Variants in IGF2R observed in about 807,000 individuals in gnomAD.
IGF2R encodes cation-independent mannose-6-phosphate receptor.
Under a neutral mutation model 270.6 loss-of-function variants are expected in IGF2R, and 91 were observed. The ratio of observed to expected loss-of-function variants is 0.34; its 90% CI spans 0.28 to 0.40. The LOEUF is 0.40. IGF2R is among the 10% of genes least tolerant of loss of function. IGF2R has a pLI of 1.00. For missense variants in IGF2R, 2,805 were observed against 3,188.3 expected, an observed-to-expected ratio of 0.88 and a Z score of 2.90; for synonymous variants, 1,316 against 1,258.9, an observed-to-expected ratio of 1.05 and a Z score of -0.96.
intron 12 of IGF2R, among the ~76,000 whole-genome samples, chr6:160,043,586 T>C (rs1299628751): frequency 1.3e-5 from 2 of 152,224 alleles, no homozygotes; most frequent in Non-Finnish European, 2.9e-5. Context: ...ACATTGCCAG[T>C]GTTTGTGTAC....
rs185334378 is a variant in IGF2R at position 159,986,404 on chromosome 6, G to T, written c.150-4780G>T. On this transcript the variant is annotated intron_variant, in intron 1 of 47. Transcript: ENST00000356956. Reference sequence around the variant, plus strand: ...GCGCGACCATGCCTGGCTAATTTTTGTGTGTGTGTGTGTGTGTGTGTGTGT... The same window carrying T: ...GCGCGACCATGCCTGGCTAATTTTTTTGTGTGTGTGTGTGTGTGTGTGTGT... 6.0e-3 allele frequency among the ~76,000 whole-genome samples: 629 copies of T among 104,256 alleles called. 15 individuals carry two copies. In the East Asian group the frequency reaches 0.13, roughly 22 times the overall value. The allele number at this position is 104,256 out of a possible 152,430, so 68.4% of individuals were successfully genotyped here. A position where few individuals can be genotyped will look rare whatever the true frequency, so the allele number is the denominator to read the frequency against.
intron 27 of IGF2R, 33 bp from the exon 28 acceptor site, chr6:160,064,368 C>A: frequency 6.2e-7 from 1 of 1,614,102 alleles, no homozygotes; most frequent in Non-Finnish European, 8.5e-7. Flanking sequence ...GGGACCCGAA[C>A]CAAACCTTGT....
Position 160,011,509 on chromosome 6 carries a change from G to T in IGF2R, c.513+724G>T, listed in dbSNP as rs145868299. On this transcript the variant is annotated intron_variant, in intron 4 of 47. Transcript: ENST00000356956. ...TGAAATATGTATACATTGAGGAATGGCTACATTGAGCTAATTACATATGTG... is the reference window on the plus strand; with the variant it reads ...TGAAATATGTATACATTGAGGAATGTCTACATTGAGCTAATTACATATGTG... Among the ~76,000 whole-genome samples the T allele has an allele frequency of 5.3e-3, 797 of 149,664 alleles. 8 individuals carry two copies. The highest frequency in any genetic ancestry group is 0.017 in the African/African-American group (700 of 40,634).
chr6:160,034,544 G>C (rs1202318079), intron 10 of IGF2R, 22 bp downstream of exon 10: 8 of 1,472,830 alleles, frequency 5.4e-6, no homozygotes, highest in Non-Finnish European at 5.7e-6. Context: ...CTGGAGTTCA[G>C]CCCCTCCTCT....
intron 10 of IGF2R, among the ~76,000 whole-genome samples, chr6:160,038,977 T>C (rs1161487707): frequency 6.6e-6 from 1 of 152,226 alleles, no homozygotes. Context: ...CATAAGCAAA[T>C]TATTTAGCCA....
intron 18 of IGF2R, among the ~76,000 whole-genome samples, chr6:160,049,755 G>A (rs536615134): frequency 2.6e-4 from 39 of 152,346 alleles, no homozygotes; most frequent in African/African-American, 9.4e-4. Flanking sequence ...AAAATAAAGA[G>A]AGTAGAATCT....
intron 4 of IGF2R, among the ~76,000 whole-genome samples, chr6:160,019,403 T>C (rs1374573871): frequency 6.6e-6 from 1 of 152,138 alleles, no homozygotes; most frequent in Non-Finnish European, 1.5e-5. Context: ...AGGGAAGAAC[T>C]AGCACAAATC....
intron 44 of IGF2R, chr6:160,093,850 A>T: frequency 1.4e-6 from 1 of 729,296 alleles, no homozygotes; most frequent in Non-Finnish European, 2.6e-6. Flanking sequence ...TAAATATCTC[A>T]GATAAGCAGC....
intron 5 of IGF2R, among the ~76,000 whole-genome samples, chr6:160,025,107 G>A (rs1486277382): frequency 1.3e-5 from 2 of 152,176 alleles, no homozygotes; most frequent in Admixed American, 1.3e-4. Context: ...ATGCATATTT[G>A]GCCCAAGCTG....
chr6:160,018,472 C>A (rs900033362), intron 4 of IGF2R, among the ~76,000 whole-genome samples: 2 of 152,036 alleles, frequency 1.3e-5, no homozygotes, highest in African/African-American at 4.8e-5. Context: ...ACCACGTAGA[C>A]CTAACAGATA....
At chr6:160,088,208 C>G (rs1426953484) in intron 42 of IGF2R, 61 bp downstream of exon 42, 1 of 1,120,558 alleles carries the variant, frequency 8.9e-7, no homozygotes, top group African/African-American at 1.5e-5. Flanking sequence ...GGAATTCCTC[C>G]TTGGGGTTTT....
rs1407368814 is a variant in IGF2R at position 160,079,634 on chromosome 6, C to A, written c.5533C>A (p.Pro1845Thr). 6.4e-7 allele frequency: 1 copy of A among 1,560,998 alleles called. No homozygotes were observed. Among genetic ancestry groups the A allele is most frequent in the Non-Finnish European group, 8.7e-7 (1 of 1,154,232 alleles). The change falls in exon 38 of 48, where the codon CCA (proline) becomes ACA (threonine). Residue 1845 changes from proline (P) to threonine (T), a missense_variant. Pro to Thr is a conservative substitution (Grantham distance 38). Coordinates refer to ENST00000356956, the MANE Select transcript of IGF2R (RefSeq NM_000876.4). ...SVGVCTFAVG[P>T]EQGGCKDGGV... ...TGGGGTGTGCACCTTTGCAGTCGGG[C>A]CAGAACAAGGAGGCTGTAAGGACGG...
intron 30 of IGF2R, among the ~76,000 whole-genome samples, chr6:160,068,859 G>A (rs1278746667): frequency 2.0e-5 from 3 of 152,146 alleles, no homozygotes; most frequent in Admixed American, 6.5e-5. Context: ...GACGTGGTTC[G>A]GCCGAGAAAC....
intron 22 of IGF2R, among the ~76,000 whole-genome samples, chr6:160,060,243 A>G (rs555208769): frequency 1.3e-5 from 2 of 151,398 alleles, no homozygotes; most frequent in East Asian, 2.0e-4. Context: ...ATAGGCCACC[A>G]TTGGAGCGAG....
At chr6:159,977,542 C>T (rs928169455) in intron 1 of IGF2R, among the ~76,000 whole-genome samples, 1 of 152,214 alleles carries the variant, frequency 6.6e-6, no homozygotes, top group Non-Finnish European at 1.5e-5. Context: ...CTGCTGGCAG[C>T]GTGTGGCCTG....
At position 160,034,538 on chromosome 6, in the gene IGF2R, A is replaced by C; in HGVS notation, c.1315+16A>C. ...AAAACCGCAGGTAAGTGTGCGCTGG[A>C]GTTCAGCCCCTCCTCTTTGCATTCA... On this transcript the variant is annotated intron_variant, in intron 10 of 47. Coordinates refer to ENST00000356956, the MANE Select transcript of IGF2R (RefSeq NM_000876.4). 1 of 1,519,132 alleles carries C rather than the reference A, an allele frequency of 6.6e-7. No homozygotes were observed. The highest frequency in any genetic ancestry group is 9.1e-7 in the Non-Finnish European group (1 of 1,093,842). The allele number at this position is 1,519,132 out of a possible 1,614,324, so 94.1% of individuals were successfully genotyped here.
intron 45 of IGF2R, among the ~76,000 whole-genome samples, chr6:160,099,369 AT>A (rs1779432130): frequency 6.6e-6 from 1 of 151,496 alleles, no homozygotes; most frequent in Non-Finnish European, 1.5e-5. Flanking sequence ...ATGTTATGTT[AT>A]GTTATGTTAT....
intron 5 of IGF2R, among the ~76,000 whole-genome samples, chr6:160,026,659 G>A (rs953935979): frequency 2.6e-5 from 4 of 152,226 alleles, no homozygotes; most frequent in Non-Finnish European, 5.9e-5. Flanking sequence ...TAAAGCCTGC[G>A]GGATGTTCTG....
intron 2 of IGF2R, among the ~76,000 whole-genome samples, chr6:159,993,985 A>AT (rs59369382): frequency 0.12 from 7,228 of 60,842 alleles, 928 homozygotes; most frequent in Middle Eastern, 0.16. Flanking sequence ...CTCCAACTTG[A>AT]TTTTTTTTTT....
Sources: gnomAD v4.1 joint callset for allele counts (sites outside exome capture counted in the v4.1 genomes callset) on GRCh38, gnomAD v4.1.1 for gene constraint, MANE v1.5 for transcripts, NCBI Gene and HGNC (gene_info 2026-07-23, HGNC 2026-07-21) for gene names.